The following CCDC57 variants were observed in gnomAD, a reference collection of about 807,000 sequenced individuals.
The protein encoded by CCDC57 is coiled-coil domain containing 57.
In CCDC57, 118 loss-of-function variants were observed where a neutral mutation model predicts 118.9. That is an observed-to-expected ratio of 0.99 (90% CI 0.86 to 1.16). The LOEUF (loss-of-function observed/expected upper bound fraction) is 1.16. Among genes scored for constraint, CCDC57 ranks in the 50% most tolerant of loss-of-function variants. The probability of loss-of-function intolerance (pLI) is 0.00; values close to 1 mark genes in which losing one functional copy is unlikely to be tolerated. For missense variants in CCDC57, 1,300 were observed against 1,320.7 expected (o/e 0.98, Z 0.24); for synonymous variants, 527 against 532.9 (o/e 0.99, Z 0.15).
intron 13 of CCDC57, among the ~76,000 whole-genome samples, chr17:82,171,308 T>C (rs2044691861): frequency 7.0e-6 from 1 of 142,486 alleles, no homozygotes; most frequent in Non-Finnish European, 1.5e-5. Context: ...CCAGGGCACG[T>C]GGGCTCTGGA....
chr17:82,141,105 G>C (rs1043233634), intron 16 of CCDC57, among the ~76,000 whole-genome samples: 5 of 151,808 alleles, frequency 3.3e-5, no homozygotes, highest in African/African-American at 9.7e-5. Flanking sequence ...CCGCCTCCCA[G>C]GTTCAAGCTA....
intron 15 of CCDC57, chr17:82,153,908 TG>T (rs1286199551): frequency 6.6e-6 from 1 of 152,300 alleles, no homozygotes; most frequent in Non-Finnish European, 1.5e-5. Flanking sequence ...CATGTATGAG[TG>T]AGTGACACAG....
intron 13 of CCDC57, among the ~76,000 whole-genome samples, chr17:82,165,701 C>T (rs1313266261): frequency 6.6e-6 from 1 of 152,058 alleles, no homozygotes; most frequent in South Asian, 2.1e-4. Context: ...GAGGAGCTGC[C>T]GTGTAAAACC....
chr17:82,176,408 C>T (rs1284063965), intron 11 of CCDC57, among the ~76,000 whole-genome samples: 1 of 152,218 alleles, frequency 6.6e-6, no homozygotes, highest in African/African-American at 2.4e-5. Flanking sequence ...TTAGAAGAAC[C>T]TGTTCTCCCT....
At position 82,107,959 on chromosome 17, in the gene CCDC57, A is replaced by G. The variant is rs538154027; in HGVS notation, c.2900-6093T>C. On this transcript the variant is annotated intron_variant, in intron 19 of 19. Coordinates refer to ENST00000665763, the Ensembl canonical transcript of CCDC57. ...GGGGGCTTTGGATCACTCTGCACAC[A>G]CCTCAGGATGGAAGTCCTGGTCAGC... 7.2e-5 allele frequency among the ~76,000 whole-genome samples: 11 copies of G among 152,270 alleles called. No individual in the cohort carries two copies. The South Asian group carries it at 2.3e-3, about 32-fold the overall frequency.
intron 16 of CCDC57, among the ~76,000 whole-genome samples, chr17:82,145,472 G>A (rs1050005431): frequency 2.0e-5 from 3 of 151,982 alleles, no homozygotes; most frequent in South Asian, 4.2e-4. Context: ...GCTGGAACCC[G>A]GGAGGCGGAG....
chr17:82,179,320 A>G (rs1480661208), intron 9 of CCDC57, 131 bp from the exon 9 acceptor site: 11 of 996,996 alleles, frequency 1.1e-5, no homozygotes, highest in African/African-American at 1.6e-5. Flanking sequence ...CTGGGCTGAC[A>G]TGCTCCCGAG....
intron 7 of CCDC57, 131 bp downstream of exon 6, chr17:82,193,625 A>C (rs56193110): frequency 1.5e-6 from 1 of 677,292 alleles, no homozygotes; most frequent in African/African-American, 1.8e-5. Context: ...GAAATCCAAA[A>C]CAGCGGGCTC....
chr17:82,210,469 C>T (rs1192668466), intron 1 of CCDC57, among the ~76,000 whole-genome samples: 3 of 149,680 alleles, frequency 2.0e-5, no homozygotes, highest in Admixed American at 6.7e-5. Flanking sequence ...GTCAGCAGTT[C>T]GAGACCAGCC....
intron 12 of CCDC57, 132 bp from the exon 12 acceptor site, chr17:82,171,985 T>G: frequency 1.1e-6 from 1 of 900,956 alleles, no homozygotes; most frequent in Non-Finnish European, 1.7e-6. Context: ...CTCCTCACAC[T>G]ACAGCTTCAC....
chr17:82,175,462 T>C (rs577355245), intron 11 of CCDC57: 34 of 152,366 alleles, frequency 2.2e-4, no homozygotes, highest in Admixed American at 6.5e-4. Context: ...CCCATTCTAT[T>C]CAAAGTCACC....
rs138073359 is a variant in CCDC57, at chr17:82,121,835, C to T, written c.2899+5857G>A. Among the ~76,000 whole-genome samples, 5 of 152,338 alleles carry T rather than the reference C, an allele frequency of 3.3e-5. No homozygotes were observed. In the East Asian group the frequency reaches 9.6e-4, roughly 29 times the overall value. ...TGAGGCGTGTCATTTTCCACAGTTA[C>T]CACGAGGAGATAAAGGCCGGGAAGC... On this transcript the variant is annotated intron_variant, in intron 19 of 19. Coordinates refer to ENST00000665763, the Ensembl canonical transcript of CCDC57.
intron 14 of CCDC57, among the ~76,000 whole-genome samples, chr17:82,162,194 TCAC>T (rs1278161259): frequency 6.6e-6 from 1 of 152,106 alleles, no homozygotes; most frequent in African/African-American, 2.4e-5. Flanking sequence ...AGATGGGGTT[TCAC>T]CATGTTGGCC....
chr17:82,147,645 G>GA, intron 16 of CCDC57, among the ~76,000 whole-genome samples: 1 of 91,172 alleles, frequency 1.1e-5, no homozygotes, highest in Non-Finnish European at 2.2e-5. Context: ...GGATGGATGG[G>GA]TGGATGGATA....
chr17:82,188,581 G>A (rs116557137), intron 7 of CCDC57, among the ~76,000 whole-genome samples, 162 bp from the exon 7 acceptor site: 2,379 of 152,302 alleles, frequency 0.016, 68 homozygotes, highest in African/African-American at 0.055. Context: ...CTCATTCCTC[G>A]CAGGTAAACA....
At chr17:82,139,782 T>A (rs567168539) in intron 16 of CCDC57, among the ~76,000 whole-genome samples, 33 of 152,292 alleles carry the variant, frequency 2.2e-4, no homozygotes, top group Admixed American at 6.5e-4. Context: ...AGGCTTCTGA[T>A]GGCGGCATTT....
chr17:82,163,189 G>C lies in CCDC57; in HGVS notation c.2040+11C>G, dbSNP rs757805913. On this transcript the variant is annotated intron_variant, in intron 14 of 19. Coordinates refer to ENST00000665763, the Ensembl canonical transcript of CCDC57. Reference sequence around the variant, plus strand: ...TCTAGGAGGATGACCCCACAAACTTGACTGCCTCACCTTCTGTCTGAGTCG... The same window carrying C: ...TCTAGGAGGATGACCCCACAAACTTCACTGCCTCACCTTCTGTCTGAGTCG... 6.2e-7 allele frequency: 1 copy of C among 1,612,230 alleles called. No homozygotes were observed. Among genetic ancestry groups the C allele is most frequent in the South Asian group, 1.1e-5 (1 of 91,028 alleles).
chr17:82,101,700 G>C (rs776674825), exon 20 of CCDC57: 1 of 1,607,708 alleles, frequency 6.2e-7, no homozygotes, highest in Non-Finnish European at 8.5e-7. Flanking sequence ...TAATGTTGTA[G>C]TTACGGATCT....
intron 8 of CCDC57, among the ~76,000 whole-genome samples, chr17:82,186,303 GAA>G (rs1272274769): frequency 6.6e-6 from 1 of 152,140 alleles, no homozygotes; most frequent in Admixed American, 6.6e-5. Flanking sequence ...GACAGAAAAC[GAA>G]AAGACATTCA....
Sources: allele counts gnomAD v4.1 joint callset (sites outside exome capture counted in the v4.1 genomes callset), GRCh38; gene constraint gnomAD v4.1.1; transcripts MANE v1.5; gene names NCBI Gene and HGNC (gene_info 2026-07-23, HGNC 2026-07-21).